The following LRMDA variants were observed in gnomAD, a reference collection of about 807,000 sequenced individuals.
LRMDA encodes leucine rich melanocyte differentiation associated.
LRMDA carries 18 observed loss-of-function variants against 29.8 expected under a neutral mutation model. The ratio of observed to expected loss-of-function variants is 0.60; its 90% CI spans 0.42 to 0.90. The LOEUF (loss-of-function observed/expected upper bound fraction) is 0.90. Ranked by LOEUF, LRMDA falls within the 40% of genes least tolerant of loss-of-function variation. LRMDA has a pLI of 0.00. For synonymous variants in LRMDA, 125 were observed against 109.4 expected (o/e 1.14, Z -0.89); for missense variants, 273 against 273.9 (o/e 1.00, Z 0.02).
chr10:76,252,898 C>T (rs1852510674), intron 5 of LRMDA, among the ~76,000 whole-genome samples: 1 of 152,164 alleles, frequency 6.6e-6, no homozygotes, highest in South Asian at 2.1e-4. Context: ...ACACAGGTCA[C>T]CAGGCAGGAA....
intron 2 of LRMDA, among the ~76,000 whole-genome samples, chr10:75,659,867 A>G (rs915646610): frequency 6.6e-6 from 1 of 152,026 alleles, no homozygotes; most frequent in Non-Finnish European, 1.5e-5. Context: ...TCTCTTTTCA[A>G]CAAAGAGGGA....
intron 6 of LRMDA, among the ~76,000 whole-genome samples, chr10:76,390,269 G>T (rs1240783465): frequency 6.6e-6 from 1 of 152,072 alleles, no homozygotes; most frequent in African/African-American, 2.4e-5. Context: ...GTGCTCATTA[G>T]CCATTTGTAT....
At chr10:75,751,131 C>G (rs980802361) in intron 2 of LRMDA, among the ~76,000 whole-genome samples, 1 of 152,210 alleles carries the variant, frequency 6.6e-6, no homozygotes, top group Non-Finnish European at 1.5e-5. Flanking sequence ...CCGGCCAACA[C>G]GGTGAAACCC....
chr10:76,368,941 G>A (rs569593947), intron 6 of LRMDA, among the ~76,000 whole-genome samples: 56 of 152,144 alleles, frequency 3.7e-4, no homozygotes, highest in African/African-American at 1.1e-3. Flanking sequence ...TTTGGTGTCC[G>A]TTTGCATGAA....
At chr10:75,705,980 G>A (rs963490668) in intron 2 of LRMDA, among the ~76,000 whole-genome samples, 8 of 152,278 alleles carry the variant, frequency 5.3e-5, no homozygotes, top group East Asian at 1.9e-4. Context: ...TAATCTTGCC[G>A]CATTATCACA....
At chr10:75,642,473 A>G (rs1461363100) in intron 2 of LRMDA, 2 of 152,234 alleles carry the variant, frequency 1.3e-5, no homozygotes, top group Non-Finnish European at 2.9e-5. Flanking sequence ...TCATCGGGCC[A>G]GTGAATGTCA....
intron 2 of LRMDA, among the ~76,000 whole-genome samples, chr10:75,685,261 T>G (rs1842067800): frequency 6.6e-6 from 1 of 151,154 alleles, no homozygotes; most frequent in Non-Finnish European, 1.5e-5. Context: ...TGCCTCACTG[T>G]GTTTAGGAAT....
chr10:75,992,310 T>C (rs997844683), intron 2 of LRMDA, among the ~76,000 whole-genome samples: 1 of 152,162 alleles, frequency 6.6e-6, no homozygotes, highest in African/African-American at 2.4e-5. Flanking sequence ...TGAAGAAAGA[T>C]GTACATGTAA....
At chr10:76,140,114 A>G (rs1420380923) in intron 5 of LRMDA, among the ~76,000 whole-genome samples, 2 of 152,140 alleles carry the variant, frequency 1.3e-5, no homozygotes, top group African/African-American at 4.8e-5. Context: ...ATGCCACCCC[A>G]AAATATGTCT....
At chr10:75,568,237 C>T (rs2132068123) in intron 2 of LRMDA, among the ~76,000 whole-genome samples, 1 of 152,280 alleles carries the variant, frequency 6.6e-6, no homozygotes, top group Admixed American at 6.5e-5. Context: ...TCTCTGAAGA[C>T]ATTTAGCACA....
rs376071517 is a variant in LRMDA at position 76,062,656 on chromosome 10, C to CTGTGTGTGTG, written c.516+3905_516+3914dup. Among the ~76,000 whole-genome samples, 215 of 139,266 alleles carry CTGTGTGTGTG rather than the reference C, an allele frequency of 1.5e-3. 1 individual carries two copies. The highest frequency in any genetic ancestry group is 5.0e-3 in the African/African-American group (179 of 36,112). The allele number at this position is 139,266 out of a possible 152,430, so 91.4% of individuals were successfully genotyped here. Reference sequence around the variant, plus strand: ...ATGGATGCTTCCAGACTTTATCTCTCTGTGTGTGTGTGTGTGTGTGTGTGT... The same window carrying CTGTGTGTGTG: ...ATGGATGCTTCCAGACTTTATCTCTCTGTGTGTGTGTGTGTGTGTGTGTGTGTGTGTGTGT... On this transcript the variant is annotated intron_variant, in intron 5 of 6. Transcript: ENST00000611255.
At chr10:75,585,870 CTT>C (rs1840649600) in intron 2 of LRMDA, among the ~76,000 whole-genome samples, 1 of 152,170 alleles carries the variant, frequency 6.6e-6, no homozygotes, top group African/African-American at 2.4e-5. Flanking sequence ...CTATTCAACT[CTT>C]TGATTCTATG....
chr10:75,946,585 G>T (rs911868109), intron 2 of LRMDA, among the ~76,000 whole-genome samples: 1 of 152,186 alleles, frequency 6.6e-6, no homozygotes, highest in African/African-American at 2.4e-5. Flanking sequence ...GTATGGTGGG[G>T]AAAATATGGT....
At chr10:75,994,883 C>T (rs1025921098) in intron 2 of LRMDA, among the ~76,000 whole-genome samples, 1 of 152,204 alleles carries the variant, frequency 6.6e-6, no homozygotes, top group Non-Finnish European at 1.5e-5. Flanking sequence ...ATAATTCTTC[C>T]TGCCACTCAA....
chr10:76,264,406 C>CAAAAAAAAAA lies in LRMDA; in HGVS notation c.517-59953_517-59944dup, dbSNP rs59846541. ...TGGGTAACAGAGCAAGACTCTGTCTCAAAAAAAAAAAAAAAAAAAAAAAAA... is the reference window on the plus strand; with the variant it reads ...TGGGTAACAGAGCAAGACTCTGTCTCAAAAAAAAAAAAAAAAAAAAAAAAAAAAAAAAAAA... On this transcript the variant is annotated intron_variant, in intron 5 of 6. Transcript: ENST00000611255. Among the ~76,000 whole-genome samples the CAAAAAAAAAA allele has an allele frequency of 3.2e-4, 11 of 34,292 alleles. 1 individual carries two copies. The highest frequency in any genetic ancestry group is 8.2e-4 in the East Asian group (1 of 1,224). The allele number at this position is 34,292 out of a possible 152,430, so 22.5% of individuals were successfully genotyped here.
At chr10:75,916,182 GT>G (rs1564605827) in intron 2 of LRMDA, among the ~76,000 whole-genome samples, 10 of 127,954 alleles carry the variant, frequency 7.8e-5, no homozygotes, top group African/African-American at 2.2e-4. Flanking sequence ...GTGTGTGTGT[GT>G]GTGTGTGTGT....
intron 5 of LRMDA, among the ~76,000 whole-genome samples, chr10:76,312,033 A>G (rs551137597): frequency 3.3e-5 from 5 of 152,318 alleles, no homozygotes; most frequent in African/African-American, 9.6e-5. Context: ...GAGGCCTTTG[A>G]GAATCCCAGG....
intron 5 of LRMDA, among the ~76,000 whole-genome samples, chr10:76,091,441 T>C (rs2132091247): frequency 6.6e-6 from 1 of 152,292 alleles, no homozygotes; most frequent in Non-Finnish European, 1.5e-5. Flanking sequence ...ATCTCTGCAC[T>C]TTGTCCAGTT....
intron 2 of LRMDA, among the ~76,000 whole-genome samples, chr10:75,914,682 C>T (rs1392143671): frequency 5.9e-5 from 9 of 152,144 alleles, no homozygotes; most frequent in Admixed American, 3.9e-4. Flanking sequence ...AGTTAACTAA[C>T]CTCTCTCTTA....
Sources: gnomAD v4.1 joint callset for allele counts (sites outside exome capture counted in the v4.1 genomes callset) on GRCh38, gnomAD v4.1.1 for gene constraint, MANE v1.5 for transcripts, NCBI Gene and HGNC (gene_info 2026-07-23, HGNC 2026-07-21) for gene names.